The following MACROD2 variants were observed in gnomAD, a reference collection of about 807,000 sequenced individuals.
The protein encoded by MACROD2 is mono-ADP ribosylhydrolase 2.
A neutral mutation model predicts 70.4 loss-of-function variants in MACROD2; 36 were observed. That is an observed-to-expected ratio of 0.51 (90% confidence interval 0.39 to 0.68). The LOEUF (loss-of-function observed/expected upper bound fraction) is 0.68. MACROD2 is among the 30% of genes least tolerant of loss of function. The pLI is 0.00. For synonymous variants in MACROD2, 172 were observed against 178.8 expected (o/e 0.96, Z 0.30); for missense variants, 496 against 538.4 (o/e 0.92, Z 0.78).
intron 5 of MACROD2, among the ~76,000 whole-genome samples, chr20:15,186,667 GA>G (rs1239475820): frequency 7.9e-5 from 12 of 151,718 alleles, no homozygotes; most frequent in African/African-American, 2.9e-4. Context: ...AGTAGAATAG[GA>G]AAAAAAAATT....
intron 8 of MACROD2, among the ~76,000 whole-genome samples, chr20:15,556,944 G>A (rs1048969244): frequency 1.1e-4 from 17 of 151,986 alleles, no homozygotes; most frequent in African/African-American, 3.6e-4. Flanking sequence ...TACTGTTTGG[G>A]GCTTTTTCCA....
intron 3 of MACROD2, among the ~76,000 whole-genome samples, chr20:14,139,268 G>A (rs1464926955): frequency 1.3e-5 from 2 of 152,156 alleles, no homozygotes; most frequent in Non-Finnish European, 2.9e-5. Context: ...GGGATTACAG[G>A]CGTGAGCCAT....
rs2048535473 is a variant in MACROD2, at chr20:15,582,228, A to T, written c.645+82381A>T. 2.0e-5 allele frequency among the ~76,000 whole-genome samples: 3 copies of T among 152,280 alleles called. No homozygotes were observed. The South Asian group carries it at 6.2e-4, about 32-fold the overall frequency. ...CAGCACCTCCTAGGGCCAGAGCCTA[A>T]CAGGGAGCCACTCACCAATCAAGAA... On this transcript the variant is annotated intron_variant, in intron 8 of 17. Transcript: ENST00000684519.
intron 5 of MACROD2, among the ~76,000 whole-genome samples, chr20:14,707,556 A>G (rs913676868): frequency 2.6e-5 from 4 of 152,184 alleles, no homozygotes; most frequent in Admixed American, 2.6e-4. Flanking sequence ...CCAGTGCTGT[A>G]GAGTGTGTTT....
chr20:14,505,801 G>T (rs866523707), intron 4 of MACROD2, among the ~76,000 whole-genome samples: 1 of 152,158 alleles, frequency 6.6e-6, no homozygotes, highest in African/African-American at 2.4e-5. Flanking sequence ...AGGATTTTAG[G>T]TTATGGCAGA....
intron 3 of MACROD2, among the ~76,000 whole-genome samples, chr20:14,099,139 G>A (rs542068263): frequency 5.2e-4 from 79 of 152,164 alleles, no homozygotes; most frequent in Admixed American, 1.4e-3. Flanking sequence ...TTAGCCGGGC[G>A]TGGTGGCATG....
rs769273379 is a variant in MACROD2, at chr20:14,600,327, C to CATATATATATATATATAT, written c.302-84499_302-84498insTATATATATATATATATA. ...GTAAAAAGTATGTAATATGCAGCTACATATATATATATATATACACACACA... is the reference window on the plus strand; with the variant it reads ...GTAAAAAGTATGTAATATGCAGCTACATATATATATATATATATATATATATATATATATACACACACA... On this transcript the variant is annotated intron_variant, in intron 4 of 17. Transcript: ENST00000684519. Among the ~76,000 whole-genome samples, 472 of 128,480 alleles carry CATATATATATATATATAT rather than the reference C, an allele frequency of 3.7e-3. 6 individuals carry two copies. The highest frequency in any genetic ancestry group is 0.013 in the African/African-American group (410 of 30,954). The allele number at this position is 128,480 out of a possible 152,430, so 84.3% of individuals were successfully genotyped here. A position where few individuals can be genotyped will look rare whatever the true frequency, so the allele number is the denominator to read the frequency against.
chr20:14,296,815 A>G (rs1488394782), intron 3 of MACROD2, among the ~76,000 whole-genome samples: 1 of 151,894 alleles, frequency 6.6e-6, no homozygotes, highest in African/African-American at 2.4e-5. Context: ...AGTTTTATAT[A>G]CCTATACACA....
At chr20:14,802,962 C>T (rs1272323929) in intron 5 of MACROD2, among the ~76,000 whole-genome samples, 2 of 151,926 alleles carry the variant, frequency 1.3e-5, no homozygotes, top group Admixed American at 6.6e-5. Context: ...ATCTTTCACC[C>T]GTTGCTTAAC....
intron 8 of MACROD2, among the ~76,000 whole-genome samples, chr20:15,520,956 G>A (rs987838718): frequency 3.9e-5 from 6 of 152,218 alleles, no homozygotes; most frequent in African/African-American, 4.8e-5. Context: ...ACTTCAGCCA[G>A]CCTTTCATTC....
At chr20:14,185,350 A>G (rs1443562185) in intron 3 of MACROD2, among the ~76,000 whole-genome samples, 6 of 152,208 alleles carry the variant, frequency 3.9e-5, no homozygotes, top group South Asian at 2.1e-4. Flanking sequence ...TGGAAGGACT[A>G]TCTACACCTA....
intron 9 of MACROD2, among the ~76,000 whole-genome samples, chr20:15,876,558 G>A (rs908262697): frequency 1.3e-5 from 2 of 152,092 alleles, no homozygotes; most frequent in Non-Finnish European, 2.9e-5. Flanking sequence ...ATTGTGAGTA[G>A]TGCCGCAATA....
chr20:14,558,494 G>A (rs1025246215), intron 4 of MACROD2, among the ~76,000 whole-genome samples: 16 of 151,478 alleles, frequency 1.1e-4, no homozygotes, highest in African/African-American at 3.9e-4. Flanking sequence ...GTAAAAGCAT[G>A]GAAAAATATA....
At chr20:15,341,876 A>G (rs767925743) in intron 6 of MACROD2, among the ~76,000 whole-genome samples, 1 of 152,090 alleles carries the variant, frequency 6.6e-6, no homozygotes, top group African/African-American at 2.4e-5. Context: ...CATGGCAACA[A>G]CCTGTCTCTA....
chr20:15,632,114 G>A (rs1291666762), intron 8 of MACROD2, among the ~76,000 whole-genome samples: 5 of 151,598 alleles, frequency 3.3e-5, no homozygotes, highest in Non-Finnish European at 7.4e-5. Context: ...ACTCCAGCCT[G>A]GGCAACAAAA....
chr20:15,645,930 A>C (rs1025841454), intron 8 of MACROD2, among the ~76,000 whole-genome samples: 2 of 152,256 alleles, frequency 1.3e-5, no homozygotes, highest in African/African-American at 2.4e-5. Context: ...TAAATGGTAG[A>C]CATGGCTTTC....
chr20:15,799,690 G>C (rs79835121), intron 8 of MACROD2, among the ~76,000 whole-genome samples: 3 of 151,972 alleles, frequency 2.0e-5, no homozygotes, highest in Non-Finnish European at 2.9e-5. Context: ...CCATTCATTC[G>C]TTAATGGACA....
At chr20:15,795,730 GA>G (rs1188245206) in intron 8 of MACROD2, among the ~76,000 whole-genome samples, 1 of 152,182 alleles carries the variant, frequency 6.6e-6, no homozygotes, top group Non-Finnish European at 1.5e-5. Context: ...GGCATTATAA[GA>G]ATGTCAAGTT....
intron 6 of MACROD2, among the ~76,000 whole-genome samples, chr20:15,240,640 C>T (rs2077052946): frequency 6.6e-6 from 1 of 152,142 alleles, no homozygotes; most frequent in African/African-American, 2.4e-5. Context: ...GGGTGATGGG[C>T]AGGTTCTATG....
Sources: allele counts gnomAD v4.1 joint callset (sites outside exome capture counted in the v4.1 genomes callset), GRCh38; gene constraint gnomAD v4.1.1; transcripts MANE v1.5; gene names NCBI Gene and HGNC (gene_info 2026-07-23, HGNC 2026-07-21).